PTPRD: variants seen among roughly 807,000 people sequenced by gnomAD.
The protein encoded by PTPRD is receptor-type tyrosine-protein phosphatase delta.
Under a neutral mutation model 214.5 loss-of-function variants are expected in PTPRD, and 34 were observed. The ratio of observed to expected loss-of-function variants is 0.16; its 90% CI spans 0.12 to 0.21. The LOEUF (loss-of-function observed/expected upper bound fraction) is 0.21. Ranked by LOEUF, PTPRD falls within the 10% of genes least tolerant of loss-of-function variation. The pLI, the probability that PTPRD is intolerant of heterozygous loss-of-function variation, is 1.00. For synonymous variants in PTPRD, 1,128 were observed against 845.7 expected, an observed-to-expected ratio of 1.33 and a Z score of -5.79; for missense variants, 2,545 against 2,398.7, an observed-to-expected ratio of 1.06 and a Z score of -1.27.
chr9:9,328,374 A>G (rs1411426184), intron 9 of PTPRD, among the ~76,000 whole-genome samples: 1 of 152,018 alleles, frequency 6.6e-6, no homozygotes, highest in Non-Finnish European at 1.5e-5. Context: ...TTGTTGTTTC[A>G]TATCAGGATC....
intron 34 of PTPRD, among the ~76,000 whole-genome samples, chr9:8,439,656 G>C (rs536219247): frequency 6.6e-6 from 1 of 152,172 alleles, no homozygotes; most frequent in South Asian, 2.1e-4. Flanking sequence ...AAACTGTTTA[G>C]CTCATATCAG....
At chr9:8,409,567 A>G (rs1389715622) in intron 35 of PTPRD, among the ~76,000 whole-genome samples, 1 of 152,194 alleles carries the variant, frequency 6.6e-6, no homozygotes, top group Non-Finnish European at 1.5e-5. Context: ...CTGATATGGG[A>G]GTAACCTTTT....
intron 11 of PTPRD, among the ~76,000 whole-genome samples, chr9:8,734,804 G>A (rs906203468): frequency 6.6e-6 from 1 of 152,174 alleles, no homozygotes; most frequent in African/African-American, 2.4e-5. Context: ...AGTGATTAGC[G>A]CCAGGAAGGA....
chr9:10,286,846 G>A (rs1357859877), intron 3 of PTPRD, among the ~76,000 whole-genome samples: 2 of 151,946 alleles, frequency 1.3e-5, no homozygotes, highest in Admixed American at 6.6e-5. Context: ...TGATCCACCC[G>A]CCTCAGCCTC....
At chr9:9,289,904 G>A (rs554008591) in intron 9 of PTPRD, among the ~76,000 whole-genome samples, 2 of 151,674 alleles carry the variant, frequency 1.3e-5, no homozygotes, top group African/African-American at 4.8e-5. Context: ...TGTGAATAAT[G>A]CTGCAAAAAA....
chr9:9,208,190 A>G (rs2099946195), intron 9 of PTPRD, among the ~76,000 whole-genome samples: 1 of 150,932 alleles, frequency 6.6e-6, no homozygotes, highest in South Asian at 2.1e-4. Flanking sequence ...AATTTTTTGT[A>G]GTTTTAGTCG....
chr9:9,154,542 C>A (rs886569834), intron 10 of PTPRD, among the ~76,000 whole-genome samples: 7 of 152,296 alleles, frequency 4.6e-5, no homozygotes, highest in Admixed American at 3.9e-4. Flanking sequence ...TCCACCATTA[C>A]GACCTCATTT....
At chr9:8,583,294 G>C (rs1197573797) in intron 14 of PTPRD, among the ~76,000 whole-genome samples, 1 of 126,692 alleles carries the variant, frequency 7.9e-6, no homozygotes, top group East Asian at 2.2e-4. Flanking sequence ...GACCAGTAAT[G>C]ATCTGTGGCC....
intron 35 of PTPRD, among the ~76,000 whole-genome samples, chr9:8,422,878 C>T (rs1222370125): frequency 6.6e-6 from 1 of 152,148 alleles, no homozygotes; most frequent in Non-Finnish European, 1.5e-5. Context: ...AATCTTCTAC[C>T]TTCCCTTATG....
chr9:9,339,201 G>C (rs2045796552), intron 9 of PTPRD, among the ~76,000 whole-genome samples: 1 of 152,084 alleles, frequency 6.6e-6, no homozygotes, highest in East Asian at 1.9e-4. Flanking sequence ...TGAGAGGCTA[G>C]GCGCGGTGGC....
intron 3 of PTPRD, among the ~76,000 whole-genome samples, chr9:10,146,988 C>A (rs994944614): frequency 1.3e-5 from 2 of 150,192 alleles, no homozygotes; most frequent in African/African-American, 4.8e-5. Flanking sequence ...GACTTCAAGT[C>A]TGAAAATAAA....
At chr9:10,425,408 A>T (rs186909982) in intron 2 of PTPRD, among the ~76,000 whole-genome samples, 33 of 152,106 alleles carry the variant, frequency 2.2e-4, no homozygotes, top group Admixed American at 5.3e-4. Flanking sequence ...TAATAACATT[A>T]TTTGTGAAAA....
intron 10 of PTPRD, among the ~76,000 whole-genome samples, chr9:9,111,552 CT>C (rs2099806094): frequency 2.6e-5 from 4 of 152,242 alleles, no homozygotes; most frequent in Non-Finnish European, 4.4e-5. Context: ...CCAATACACA[CT>C]TTGGGAATTG....
At chr9:9,970,302 T>G (rs1466661888) in intron 4 of PTPRD, among the ~76,000 whole-genome samples, 1 of 151,650 alleles carries the variant, frequency 6.6e-6, no homozygotes, top group African/African-American at 2.4e-5. Context: ...TACAAAACAT[T>G]AGCCGGGCGT....
At chr9:8,365,881 T>C (rs546333724) in intron 39 of PTPRD, among the ~76,000 whole-genome samples, 6 of 152,102 alleles carry the variant, frequency 3.9e-5, no homozygotes, top group African/African-American at 1.4e-4. Flanking sequence ...GAAAAAGAGC[T>C]CAGGAGAGAT....
At chr9:9,661,422 C>G (rs1345160721) in intron 7 of PTPRD, among the ~76,000 whole-genome samples, 3 of 151,782 alleles carry the variant, frequency 2.0e-5, no homozygotes, top group Non-Finnish European at 4.4e-5. Context: ...AATGTTTCAA[C>G]CTAGAAGCAT....
chr9:10,054,962 A>G (rs1766177925), intron 3 of PTPRD, among the ~76,000 whole-genome samples: 1 of 151,902 alleles, frequency 6.6e-6, no homozygotes, highest in African/African-American at 2.4e-5. Context: ...GGTCTTCATC[A>G]TGGGATTCGT....
At chr9:9,034,537 A>G (rs1459121631) in intron 10 of PTPRD, among the ~76,000 whole-genome samples, 1 of 152,146 alleles carries the variant, frequency 6.6e-6, no homozygotes, top group Non-Finnish European at 1.5e-5. Flanking sequence ...AATAATTCTT[A>G]TTTGAGGTAG....
chr9:10,554,894 T>C (rs895569247), intron 2 of PTPRD, among the ~76,000 whole-genome samples: 3 of 152,204 alleles, frequency 2.0e-5, no homozygotes, highest in Non-Finnish European at 4.4e-5. Flanking sequence ...TCTCCTGACC[T>C]CGTGATCCGC....
Sources: allele counts gnomAD v4.1 joint callset (sites outside exome capture counted in the v4.1 genomes callset), GRCh38; gene constraint gnomAD v4.1.1; transcripts MANE v1.5; gene names NCBI Gene and HGNC (gene_info 2026-07-23, HGNC 2026-07-21).